Variants in PLD5 observed in about 807,000 individuals in gnomAD.
PLD5 encodes inactive phospholipase D5.
In PLD5, 36 loss-of-function variants were observed where a neutral mutation model predicts 61.1. That is an observed-to-expected ratio of 0.59 (90% CI 0.45 to 0.78). The LOEUF (loss-of-function observed/expected upper bound fraction) is 0.78. Among genes scored for constraint, PLD5 ranks in the 30% least tolerant of loss-of-function variants. The pLI is 0.00. For synonymous variants in PLD5, 243 were observed against 242.8 expected, an observed-to-expected ratio of 1.00 and a Z score of -0.01; for missense variants, 515 against 644.4, an observed-to-expected ratio of 0.80 and a Z score of 2.17.
intron 1 of PLD5, among the ~76,000 whole-genome samples, chr1:242,388,344 G>A (rs2149262012): frequency 6.6e-6 from 1 of 152,212 alleles, no homozygotes; most frequent in Non-Finnish European, 1.5e-5. Flanking sequence ...ACAGTGAAAT[G>A]GGTCAGCACA....
chr1:242,332,683 C>T (rs772567699), intron 2 of PLD5, among the ~76,000 whole-genome samples: 47 of 152,270 alleles, frequency 3.1e-4, no homozygotes, highest in Admixed American at 1.4e-3. Context: ...GACAACCAAA[C>T]TCACAAAGAG....
chr1:242,433,257 T>C (rs1665816935), intron 1 of PLD5, among the ~76,000 whole-genome samples: 1 of 152,200 alleles, frequency 6.6e-6, no homozygotes, highest in South Asian at 2.1e-4. Flanking sequence ...TGGGGGAAGA[T>C]GTTCCATGCA....
chr1:242,307,844 G>A (rs1676467782), intron 2 of PLD5, among the ~76,000 whole-genome samples: 1 of 152,056 alleles, frequency 6.6e-6, no homozygotes, highest in African/African-American at 2.4e-5. Context: ...ATCCCTGAAA[G>A]GACCACATTA....
intron 3 of PLD5, among the ~76,000 whole-genome samples, chr1:242,270,079 G>T (rs1315535316): frequency 6.6e-6 from 1 of 151,426 alleles, no homozygotes; most frequent in Non-Finnish European, 1.5e-5. Context: ...GAAACCCAAA[G>T]TCATGTTAGA....
At chr1:242,325,362 T>G (rs1017591672) in intron 2 of PLD5, among the ~76,000 whole-genome samples, 3 of 142,416 alleles carry the variant, frequency 2.1e-5, no homozygotes, top group African/African-American at 7.9e-5. Context: ...TGGCGAGATA[T>G]ATATATATAT....
intron 5 of PLD5, among the ~76,000 whole-genome samples, chr1:242,175,579 GT>G (rs1395529354): frequency 1.3e-5 from 2 of 152,292 alleles, no homozygotes; most frequent in African/African-American, 4.8e-5. Context: ...ATTCAGTATA[GT>G]ATTGGAAGTT....
At chr1:242,202,196 G>C (rs1462232460) in intron 5 of PLD5, among the ~76,000 whole-genome samples, 2 of 152,050 alleles carry the variant, frequency 1.3e-5, no homozygotes, top group African/African-American at 2.4e-5. Context: ...CTGGGTGACA[G>C]AGTAAGACTC....
intron 1 of PLD5, among the ~76,000 whole-genome samples, chr1:242,509,708 C>A (rs1306955957): frequency 6.6e-6 from 1 of 152,134 alleles, no homozygotes; most frequent in East Asian, 1.9e-4. Flanking sequence ...AAAGCCACAA[C>A]GATGATGATA....
chr1:242,445,095 C>G (rs1287124794), intron 1 of PLD5, among the ~76,000 whole-genome samples: 1 of 152,110 alleles, frequency 6.6e-6, no homozygotes, highest in African/African-American at 2.4e-5. Flanking sequence ...ACCCTAATCC[C>G]CAGTGTGATA....
At chr1:242,466,427 TTATC>T (rs1429488499) in intron 1 of PLD5, among the ~76,000 whole-genome samples, 4 of 152,060 alleles carry the variant, frequency 2.6e-5, no homozygotes, top group Non-Finnish European at 4.4e-5. Context: ...AAAAGAGACT[TTATC>T]TAATGGGTAA....
chr1:242,147,161 G>T (rs1487838771), intron 5 of PLD5, among the ~76,000 whole-genome samples: 1 of 152,074 alleles, frequency 6.6e-6, no homozygotes, highest in East Asian at 1.9e-4. Context: ...TGCCTCTTTT[G>T]TAACCATCCC....
chr1:242,489,724 T>C (rs931384754), intron 1 of PLD5, among the ~76,000 whole-genome samples: 9 of 152,180 alleles, frequency 5.9e-5, no homozygotes, highest in Admixed American at 5.9e-4. Flanking sequence ...TCCTCGTTCA[T>C]TGTGGCAGTT....
At chr1:242,409,134 A>G (rs1664407590) in intron 1 of PLD5, among the ~76,000 whole-genome samples, 1 of 152,108 alleles carries the variant, frequency 6.6e-6, no homozygotes, top group African/African-American at 2.4e-5. Flanking sequence ...GCTTATATGG[A>G]GGGAAATTCC....
chr1:242,231,271 T>C (rs190836306), intron 4 of PLD5, among the ~76,000 whole-genome samples: 241 of 152,254 alleles, frequency 1.6e-3, no homozygotes, highest in South Asian at 0.013. Flanking sequence ...GCTATCTGTA[T>C]GGCCACGAAG....
intron 1 of PLD5, among the ~76,000 whole-genome samples, chr1:242,405,603 CTT>C (rs57665543): frequency 0.04 from 5,846 of 145,502 alleles, 401 homozygotes; most frequent in African/African-American, 0.14. Context: ...ATATTTGATA[CTT>C]TTTTTTTTTT....
At chr1:242,479,781 C>T (rs778808704) in intron 1 of PLD5, among the ~76,000 whole-genome samples, 14 of 152,046 alleles carry the variant, frequency 9.2e-5, no homozygotes, top group East Asian at 1.9e-4. Context: ...CAGTGGTTTA[C>T]GCCTGTAATC....
chr1:242,399,685 C>T (rs904641753), intron 1 of PLD5, among the ~76,000 whole-genome samples: 4 of 151,954 alleles, frequency 2.6e-5, no homozygotes, highest in African/African-American at 4.8e-5. Context: ...CCCCAATCCC[C>T]GGGCTGCAAA....
At chr1:242,377,175 A>C (rs1662012511) in intron 1 of PLD5, 1 of 1,611,568 alleles carries the variant, frequency 6.2e-7, no homozygotes, top group Non-Finnish European at 8.5e-7. Context: ...GTGTCTGGAG[A>C]GAGAGACGTG....
chr1:242,186,504 T>C (rs1384056690), intron 5 of PLD5, among the ~76,000 whole-genome samples: 1 of 152,192 alleles, frequency 6.6e-6, no homozygotes, highest in Non-Finnish European at 1.5e-5. Flanking sequence ...GAATATATTT[T>C]TTTTAAAGTT....
Sources: allele counts gnomAD v4.1 joint callset (sites outside exome capture counted in the v4.1 genomes callset), GRCh38; gene constraint gnomAD v4.1.1; transcripts MANE v1.5; gene names NCBI Gene and HGNC (gene_info 2026-07-23, HGNC 2026-07-21).